The following SEMA6D variants were observed in gnomAD, a reference collection of about 807,000 sequenced individuals.
The protein encoded by SEMA6D is semaphorin 6D.
In SEMA6D, 35 loss-of-function variants were observed where a neutral mutation model predicts 106.6. The observed-to-expected ratio is 0.33, with a 90% CI of 0.25 to 0.44. SEMA6D has a LOEUF of 0.44. SEMA6D is among the 20% of genes least tolerant of loss of function. SEMA6D has a pLI of 1.00. For synonymous variants in SEMA6D, 499 were observed against 487.7 expected (o/e 1.02, Z -0.31); for missense variants, 1,185 against 1,345.9 (o/e 0.88, Z 1.87).
intron 3 of SEMA6D, among the ~76,000 whole-genome samples, chr15:47,566,470 A>C (rs2142806804): frequency 6.6e-6 from 1 of 152,376 alleles, no homozygotes; most frequent in African/African-American, 2.4e-5. Flanking sequence ...ATGTGCATGC[A>C]TCAGGTATTC....
intron 1 of SEMA6D, among the ~76,000 whole-genome samples, chr15:47,381,060 A>T (rs1239039075): frequency 1.3e-5 from 2 of 152,280 alleles, no homozygotes; most frequent in Non-Finnish European, 2.9e-5. Context: ...AAAAATGTGA[A>T]TTAAGCCAGG....
chr15:47,360,889 A>G, intron 1 of SEMA6D, among the ~76,000 whole-genome samples: 1 of 152,244 alleles, frequency 6.6e-6, no homozygotes, highest in Non-Finnish European at 1.5e-5. Context: ...GATATAGTGG[A>G]TATTTGAAAC....
At chr15:47,516,953 T>C (rs1482676823) in intron 3 of SEMA6D, among the ~76,000 whole-genome samples, 6 of 152,186 alleles carry the variant, frequency 3.9e-5, no homozygotes, top group East Asian at 3.8e-4. Context: ...TTAACACTTA[T>C]TGACAGATGT....
At chr15:47,272,397 G>A (rs758088408) in intron 1 of SEMA6D, among the ~76,000 whole-genome samples, 4 of 152,004 alleles carry the variant, frequency 2.6e-5, no homozygotes, top group Non-Finnish European at 5.9e-5. Context: ...ATTGAACAAG[G>A]CAGATTCTGA....
intron 1 of SEMA6D, among the ~76,000 whole-genome samples, chr15:47,746,805 G>T (rs899445175): frequency 6.6e-6 from 1 of 152,084 alleles, no homozygotes; most frequent in Non-Finnish European, 1.5e-5. Flanking sequence ...TCCTTTTCCT[G>T]GAGGCTGAAG....
chr15:47,225,749 C>T (rs931686770), intron 1 of SEMA6D, among the ~76,000 whole-genome samples: 1 of 151,846 alleles, frequency 6.6e-6, no homozygotes, highest in South Asian at 2.1e-4. Flanking sequence ...AGGCTGGTCT[C>T]GAACTCCTGA....
chr15:47,590,025 C>G (rs1424652534), intron 3 of SEMA6D, among the ~76,000 whole-genome samples: 1 of 152,096 alleles, frequency 6.6e-6, no homozygotes, highest in Non-Finnish European at 1.5e-5. Flanking sequence ...GTCCTAACCC[C>G]CATTGCCTCA....
At position 47,717,509 on chromosome 15, in the gene SEMA6D, CGCT is replaced by C. The variant is rs566206996; in HGVS notation, c.-220_-218del. 3.0e-4 allele frequency: 46 copies of C among 154,574 alleles called. No individual in the cohort carries two copies. The Middle Eastern group carries it at 7.2e-3, about 24-fold the overall frequency. 9.6% of individuals were successfully genotyped at this position (154,574 alleles called of 1,614,324 possible). A position where few individuals can be genotyped will look rare whatever the true frequency, so the allele number is the denominator to read the frequency against. On this transcript the variant is annotated 5_prime_UTR_variant, in exon 1 of 19. Transcript: ENST00000536845. ...GGTTTGTTTTGCTCCTGCTCTGTCC[CGCT>C]GCTGCTGCTGCTGCTGCAAGGGGTG...
intron 2 of SEMA6D, among the ~76,000 whole-genome samples, chr15:47,427,232 C>T (rs2041370128): frequency 6.6e-6 from 1 of 152,088 alleles, no homozygotes; most frequent in South Asian, 2.1e-4. Context: ...TTCTAGGACA[C>T]AAACTGCAGA....
chr15:47,337,590 C>T (rs1424210494), intron 1 of SEMA6D, among the ~76,000 whole-genome samples: 1 of 152,162 alleles, frequency 6.6e-6, no homozygotes. Context: ...CACCATACCA[C>T]CCATAATTTC....
At chr15:47,189,401 A>C (rs978219474) in intron 1 of SEMA6D, among the ~76,000 whole-genome samples, 1 of 152,244 alleles carries the variant, frequency 6.6e-6, no homozygotes, top group Admixed American at 6.5e-5. Context: ...TTGAATCAAC[A>C]ACCATTTTCA....
chr15:47,399,881 C>T (rs1435440334), intron 1 of SEMA6D, among the ~76,000 whole-genome samples: 1 of 152,164 alleles, frequency 6.6e-6, no homozygotes, highest in Non-Finnish European at 1.5e-5. Flanking sequence ...GTGAAAGCAT[C>T]GATGTGTCAG....
chr15:47,573,930 A>G lies in SEMA6D; in HGVS notation c.-86-26935A>G, dbSNP rs182026269. On this transcript the variant is annotated intron_variant, in intron 3 of 19. Transcript: ENST00000558014. ...TTTCTGATGCCATCTGTAAGTCAAT[A>G]TGTCTCTTCAGTGCAAGCCCATCAA... is the stretch of plus-strand genomic sequence containing the variant. Among the ~76,000 whole-genome samples, 59 of 152,346 alleles carry G rather than the reference A, an allele frequency of 3.9e-4. No homozygotes were observed. In the South Asian group the frequency reaches 9.1e-3, roughly 24 times the overall value.
intron 1 of SEMA6D, among the ~76,000 whole-genome samples, chr15:47,749,589 A>G (rs1007895685): frequency 1.3e-5 from 2 of 152,208 alleles, no homozygotes; most frequent in African/African-American, 4.8e-5. Context: ...CCAAGCTCTA[A>G]ACCTATGCTC....
At chr15:47,365,687 C>A (rs1406888653) in intron 1 of SEMA6D, among the ~76,000 whole-genome samples, 2 of 151,596 alleles carry the variant, frequency 1.3e-5, no homozygotes, top group South Asian at 4.2e-4. Flanking sequence ...ATGGTGAAAC[C>A]CTGTCTCTAC....
chr15:47,773,480 A>G lies in SEMA6D; in HGVS notation c.*1695A>G, dbSNP rs1206121556. 6.6e-6 allele frequency: 1 copy of G among 152,470 alleles called. No individual in the cohort carries two copies. Among genetic ancestry groups the G allele is most frequent in the Admixed American group, 6.5e-5 (1 of 15,272 alleles). 9.4% of individuals were successfully genotyped at this position (152,470 alleles called of 1,614,324 possible). A position where few individuals can be genotyped will look rare whatever the true frequency, so the allele number is the denominator to read the frequency against. ...CACCACACACTTGTTTAGTGAACCAAATCTAGAAAGTACCAAGGCAGAGGT... is the reference window on the plus strand; with the variant it reads ...CACCACACACTTGTTTAGTGAACCAGATCTAGAAAGTACCAAGGCAGAGGT... On this transcript the variant is annotated 3_prime_UTR_variant, in exon 19 of 19. Coordinates refer to ENST00000536845, the MANE Select transcript of SEMA6D (RefSeq NM_001358351.3).
chr15:47,357,166 C>G (rs925375955), intron 1 of SEMA6D, among the ~76,000 whole-genome samples: 1 of 151,852 alleles, frequency 6.6e-6, no homozygotes, highest in Non-Finnish European at 1.5e-5. Context: ...AACCCTGTCT[C>G]TACTAAAAAT....
At chr15:47,742,610 A>G (rs960349693) in intron 1 of SEMA6D, among the ~76,000 whole-genome samples, 4 of 152,170 alleles carry the variant, frequency 2.6e-5, no homozygotes, top group Non-Finnish European at 5.9e-5. Context: ...GGCTGCTTCT[A>G]CTTGTTGAAT....
At chr15:47,387,558 TC>T (rs1258681422) in intron 1 of SEMA6D, among the ~76,000 whole-genome samples, 1 of 152,220 alleles carries the variant, frequency 6.6e-6, no homozygotes. Context: ...CCACACCTAG[TC>T]TAAAGGAGAA....
Sources: gnomAD v4.1 joint callset for allele counts (sites outside exome capture counted in the v4.1 genomes callset) on GRCh38, gnomAD v4.1.1 for gene constraint, MANE v1.5 for transcripts, NCBI Gene and HGNC (gene_info 2026-07-23, HGNC 2026-07-21) for gene names.